DTNB: variants seen among roughly 807,000 people sequenced by gnomAD.
DTNB encodes dystrobrevin beta.
A neutral mutation model predicts 90.7 loss-of-function variants in DTNB; 63 were observed. The ratio of observed to expected loss-of-function variants is 0.69; its 90% confidence interval spans 0.57 to 0.86. DTNB has a LOEUF of 0.86. DTNB is among the 40% of genes least tolerant of loss of function. The pLI, the probability that DTNB is intolerant of heterozygous loss-of-function variation, is 0.00. For missense variants in DTNB, 744 were observed against 807.1 expected (o/e 0.92, Z 0.95); for synonymous variants, 277 against 286.7 (o/e 0.97, Z 0.34).
Position 25,476,321 on chromosome 2 carries a change from G to A in DTNB, c.1079+6475C>T, listed in dbSNP as rs143088223. On this transcript the variant is annotated intron_variant, in intron 10 of 20. Transcript: ENST00000406818. Reference sequence around the variant, plus strand: ...TGACCTCAGGTGATCCACCTGCCTCGGCCTCCCAAAGTGCTGGGGTTATAG... The same window carrying A: ...TGACCTCAGGTGATCCACCTGCCTCAGCCTCCCAAAGTGCTGGGGTTATAG... Among the ~76,000 whole-genome samples, 528 of 152,088 alleles carry A rather than the reference G, an allele frequency of 3.5e-3. 3 individuals carry two copies. Among genetic ancestry groups the A allele is most frequent in the African/African-American group, 0.012 (505 of 41,500 alleles).
intron 9 of DTNB, among the ~76,000 whole-genome samples, chr2:25,501,206 A>G (rs2070591669): frequency 1.5e-5 from 2 of 137,484 alleles, no homozygotes; most frequent in Admixed American, 7.1e-5. Flanking sequence ...TAGATCTAGA[A>G]GTTTTTTTTT....
intron 13 of DTNB, among the ~76,000 whole-genome samples, chr2:25,433,248 A>C (rs1008334195): frequency 1.3e-5 from 2 of 152,212 alleles, no homozygotes; most frequent in African/African-American, 4.8e-5. Flanking sequence ...AAAAATCTCC[A>C]AGAAAGGAAA....
intron 6 of DTNB, among the ~76,000 whole-genome samples, chr2:25,592,293 GAA>G (rs1178689623): frequency 6.6e-6 from 1 of 151,912 alleles, no homozygotes; most frequent in Non-Finnish European, 1.5e-5. Flanking sequence ...GAGCACTCCT[GAA>G]AAGTCTTAAA....
chr2:25,392,101 A>G (rs2041275962), intron 16 of DTNB, among the ~76,000 whole-genome samples: 1 of 152,034 alleles, frequency 6.6e-6, no homozygotes, highest in African/African-American at 2.4e-5. Context: ...CATACACACA[A>G]AACAATACAA....
intron 1 of DTNB, among the ~76,000 whole-genome samples, chr2:25,659,222 G>A (rs1192015346): frequency 1.3e-5 from 2 of 152,182 alleles, no homozygotes; most frequent in Non-Finnish European, 2.9e-5. Context: ...TGGAAGGACT[G>A]AGCAACACTA....
At chr2:25,591,444 G>A (rs1559152427) in intron 6 of DTNB, among the ~76,000 whole-genome samples, 1 of 152,218 alleles carries the variant, frequency 6.6e-6, no homozygotes, top group Non-Finnish European at 1.5e-5. Flanking sequence ...CCATTAATAT[G>A]AAGACCTAAT....
intron 2 of DTNB, among the ~76,000 whole-genome samples, chr2:25,651,906 G>C (rs1339238007): frequency 6.6e-6 from 1 of 152,134 alleles, no homozygotes; most frequent in Non-Finnish European, 1.5e-5. Context: ...CTTTTGAAAG[G>C]TTTCCTAATC....
chr2:25,456,213 T>C (rs1379916047), intron 10 of DTNB, among the ~76,000 whole-genome samples: 1 of 152,214 alleles, frequency 6.6e-6, no homozygotes, highest in African/African-American at 2.4e-5. Flanking sequence ...ATAGCAAAAC[T>C]TGAATGAATG....
intron 15 of DTNB, among the ~76,000 whole-genome samples, chr2:25,421,675 A>G (rs1372305075): frequency 6.6e-6 from 1 of 152,236 alleles, no homozygotes; most frequent in Non-Finnish European, 1.5e-5. Context: ...ATTGTATCCG[A>G]GGTCAAAAGA....
intron 1 of DTNB, among the ~76,000 whole-genome samples, chr2:25,665,451 C>T (rs1574236156): frequency 6.6e-6 from 1 of 152,032 alleles, no homozygotes; most frequent in East Asian, 1.9e-4. Context: ...ACAATGAAAC[C>T]CAGTCTCTAA....
intron 1 of DTNB, among the ~76,000 whole-genome samples, chr2:25,669,650 A>G (rs1018433326): frequency 2.6e-5 from 4 of 152,190 alleles, no homozygotes; most frequent in African/African-American, 4.8e-5. Context: ...AAGGAACCCA[A>G]CTGTTCCTCA....
chr2:25,612,324 A>G (rs530264933), intron 4 of DTNB, among the ~76,000 whole-genome samples: 2 of 152,280 alleles, frequency 1.3e-5, no homozygotes, highest in Non-Finnish European at 2.9e-5. Context: ...GAAAAATAAT[A>G]TATTTGTTTG....
intron 6 of DTNB, among the ~76,000 whole-genome samples, chr2:25,589,787 T>C (rs2063201504): frequency 6.6e-6 from 1 of 152,202 alleles, no homozygotes; most frequent in Non-Finnish European, 1.5e-5. Flanking sequence ...TGCTTTTCCT[T>C]TGTGGCCAGT....
intron 9 of DTNB, among the ~76,000 whole-genome samples, chr2:25,498,970 CT>C (rs1206923591): frequency 6.7e-6 from 1 of 149,818 alleles, no homozygotes; most frequent in Non-Finnish European, 1.5e-5. Flanking sequence ...AATCCCAGTA[CT>C]TTAGGAGGCC....
intron 8 of DTNB, among the ~76,000 whole-genome samples, chr2:25,556,605 T>C (rs2151157444): frequency 6.6e-6 from 1 of 152,238 alleles, no homozygotes; most frequent in African/African-American, 2.4e-5. Context: ...TAATGAAATA[T>C]ATAGACAAAT....
At chr2:25,619,858 G>A (rs2071976355) in intron 4 of DTNB, among the ~76,000 whole-genome samples, 1 of 151,962 alleles carries the variant, frequency 6.6e-6, no homozygotes, top group Non-Finnish European at 1.5e-5. Flanking sequence ...TGACCAACAT[G>A]GTGAAACCCC....
intron 16 of DTNB, among the ~76,000 whole-genome samples, chr2:25,403,203 C>T (rs984530436): frequency 6.6e-6 from 1 of 152,186 alleles, no homozygotes. Context: ...GCAACCTCCG[C>T]CTCCTGGGTT....
At chr2:25,649,838 A>C (rs1445620770) in intron 2 of DTNB, 1 of 177,440 alleles carries the variant, frequency 5.6e-6, no homozygotes, top group Non-Finnish European at 1.1e-5. Context: ...TCAACATACT[A>C]AATGATACAA....
At chr2:25,457,292 G>C (rs1463900603) in intron 10 of DTNB, among the ~76,000 whole-genome samples, 1 of 152,224 alleles carries the variant, frequency 6.6e-6, no homozygotes, top group African/African-American at 2.4e-5. Flanking sequence ...ATACAGGTGT[G>C]AGCCACTGTG....
Sources: allele counts gnomAD v4.1 joint callset (sites outside exome capture counted in the v4.1 genomes callset), GRCh38; gene constraint gnomAD v4.1.1; transcripts MANE v1.5; gene names NCBI Gene and HGNC (gene_info 2026-07-23, HGNC 2026-07-21).